ADGRA2: variants seen among roughly 807,000 people sequenced by gnomAD.
ADGRA2 encodes G-protein coupled receptor 124.
In ADGRA2, 61 loss-of-function variants were observed where a neutral mutation model predicts 98.7. That is an observed-to-expected ratio of 0.62 (90% confidence interval 0.50 to 0.76). The LOEUF is 0.76. Among genes scored for constraint, ADGRA2 ranks in the 30% least tolerant of loss-of-function variants. The pLI is 0.00. For missense variants in ADGRA2, 1,712 were observed against 1,860.0 expected (o/e 0.92, Z 1.46); for synonymous variants, 858 against 831.5 (o/e 1.03, Z -0.55).
Position 37,841,832 on chromosome 8 carries a change from G to C in ADGRA2, c.3494G>C (p.Arg1165Pro). The change falls in exon 19 of 19, where the codon CGG (arginine) becomes CCG (proline). Residue 1165 changes from arginine to proline, a missense_variant. Coordinates refer to ENST00000412232, the MANE Select transcript of ADGRA2 (RefSeq NM_032777.10). The surrounding 1 kb of genome is among the most constrained non-coding windows in gnomAD (Gnocchi z 5.0). Reference protein sequence around the residue: ...GEGEPEPAGTRGNLAHRHPNN... With the variant: ...GEGEPEPAGTPGNLAHRHPNN... ...GGAGAGCCGGAGCCGGCGGGCACCC[G>C]GGGAAACCTCGCCCACCGCCACCCC... 2.0e-6 allele frequency: 3 copies of C among 1,530,888 alleles called. No individual in the cohort carries two copies. Among genetic ancestry groups the C allele is most frequent in the Non-Finnish European group, 2.6e-6 (3 of 1,144,474 alleles). 94.8% of individuals were successfully genotyped at this position (1,530,888 alleles called of 1,614,324 possible). A position where few individuals can be genotyped will look rare whatever the true frequency, so the allele number is the denominator to read the frequency against.
intron 1 of ADGRA2, among the ~76,000 whole-genome samples, chr8:37,806,541 T>TTTTTTTTTTTTTTTTC (rs1804673521): frequency 6.9e-6 from 1 of 145,292 alleles, no homozygotes; most frequent in South Asian, 2.2e-4. Context: ...TTTTTTTTTT[T>TTTTTTTTTTTTTTTTC]TGAGACAGAG....
Position 37,841,041 on chromosome 8 carries a change from CAGCCATG to C in ADGRA2, c.2748-44_2748-38del. On this transcript the variant is annotated intron_variant, in intron 18 of 18. Transcript: ENST00000412232. The surrounding 1 kb of genome is among the most constrained non-coding windows in gnomAD (Gnocchi z 5.0). Reference sequence around the variant, plus strand: ...ACCACCCCGGCCCCCAGCCCCACCCCAGCCATGCCCCCTGTCCTCATCACTGCTTCTG... The same window carrying C: ...ACCACCCCGGCCCCCAGCCCCACCCCCCCCCTGTCCTCATCACTGCTTCTG... 1.3e-6 allele frequency: 2 copies of C among 1,546,888 alleles called. No individual in the cohort carries two copies. The highest frequency in any genetic ancestry group is 1.7e-6 in the Non-Finnish European group (2 of 1,143,552).
rs766274136 is a variant in ADGRA2, at chr8:37,830,559, C to T, written c.719-151C>T. ...TCCCCTTTACCCTTACCCCTAGAGA[C>T]TTTCTCTTGACCCCTTTTCCTTCCC... On this transcript the variant is annotated intron_variant, in intron 6 of 18. Transcript: ENST00000412232. This position sits in a 1 kb window ranked among gnomAD's most constrained non-coding sequence, Gnocchi z 4.8. 2 of 622,014 alleles carry T rather than the reference C, an allele frequency of 3.2e-6. No homozygotes were observed. Among genetic ancestry groups the T allele is most frequent in the Non-Finnish European group, 5.7e-6 (2 of 350,700 alleles). The allele number at this position is 622,014 out of a possible 1,614,324, so 38.5% of individuals were successfully genotyped here.
Position 37,829,245 on chromosome 8 carries a change from G to C in ADGRA2, c.411-16G>C, listed in dbSNP as rs199752577. 14 of 1,609,602 alleles carry C rather than the reference G, an allele frequency of 8.7e-6. No individual in the cohort carries two copies. Among genetic ancestry groups the C allele is most frequent in the Non-Finnish European group, 1.2e-5 (14 of 1,176,188 alleles). Reference sequence around the variant, plus strand: ...GCCACGTGGCCAACATGCTGAGGTTGCCTGTGTCTCTCTAGAGATCTCTCC... The same window carrying C: ...GCCACGTGGCCAACATGCTGAGGTTCCCTGTGTCTCTCTAGAGATCTCTCC... On this transcript the variant is annotated splice_polypyrimidine_tract_variant and intron_variant, in intron 3 of 18. Coordinates refer to ENST00000412232, the MANE Select transcript of ADGRA2 (RefSeq NM_032777.10).
chr8:37,837,240 G>A (rs1805643146), intron 13 of ADGRA2, among the ~76,000 whole-genome samples: 1 of 152,240 alleles, frequency 6.6e-6, no homozygotes, highest in Non-Finnish European at 1.5e-5. Context: ...GCAACCGCGT[G>A]GGCTGTGGGA....
chr8:37,809,277 T>C (rs921181478), intron 1 of ADGRA2, among the ~76,000 whole-genome samples: 5 of 147,886 alleles, frequency 3.4e-5, no homozygotes, highest in African/African-American at 1.0e-4. Flanking sequence ...GCCTGGGCAA[T>C]AGAGCGAAAC....
At chr8:37,829,440 C>A in intron 4 of ADGRA2, 48 bp from the exon 5 acceptor site, 1 of 1,555,350 alleles carries the variant, frequency 6.4e-7, no homozygotes, top group Non-Finnish European at 8.9e-7. Context: ...CTCCGCCGGC[C>A]CATGGACACC....
Position 37,814,827 on chromosome 8 carries a change from C to G in ADGRA2, c.267-69C>G, listed in dbSNP as rs985232543. On this transcript the variant is annotated intron_variant, in intron 1 of 18. Transcript: ENST00000412232. This position sits in a 1 kb window ranked among gnomAD's most constrained non-coding sequence, Gnocchi z 4.3. ...TGACAAAGATGCAAGCTGGCCCCAC[C>G]AGTGGTGAAAGCGGATGCCCAGCAC... is the stretch of plus-strand genomic sequence containing the variant. 8.7e-7 allele frequency: 1 copy of G among 1,147,274 alleles called. No individual in the cohort carries two copies. Among genetic ancestry groups the G allele is most frequent in the African/African-American group, 1.5e-5 (1 of 66,052 alleles). The allele number at this position is 1,147,274 out of a possible 1,614,324, so 71.1% of individuals were successfully genotyped here. A position where few individuals can be genotyped will look rare whatever the true frequency, so the allele number is the denominator to read the frequency against.
Position 37,797,470 on chromosome 8 carries a change from T to C in ADGRA2, c.202T>C (p.Cys68Arg). The C allele has an allele frequency of 7.0e-7, 1 of 1,426,686 alleles. No individual in the cohort carries two copies. The highest frequency in any genetic ancestry group is 9.2e-7 in the Non-Finnish European group (1 of 1,089,590). The allele number at this position is 1,426,686 out of a possible 1,614,324, so 88.4% of individuals were successfully genotyped here. A position where few individuals can be genotyped will look rare whatever the true frequency, so the allele number is the denominator to read the frequency against. Reference sequence around the variant, plus strand: ...TGGCCCGGCTCGGCGGAGGGTGGTGTGCAGCGGCGGGGACCTCCCGGAGCC... The same window carrying C: ...TGGCCCGGCTCGGCGGAGGGTGGTGCGCAGCGGCGGGGACCTCCCGGAGCC... ...VPGPARRRVV[C>R]SGGDLPEPPE... Residue 68 changes from cysteine (C) to arginine (R), a missense_variant, in exon 1 of 19, where the codon TGC (cysteine) becomes CGC (arginine). Transcript: ENST00000412232. This position sits in a 1 kb window ranked among gnomAD's most constrained non-coding sequence, Gnocchi z 5.3.
intron 3 of ADGRA2, 32 bp downstream of exon 3, chr8:37,828,991 C>T (rs772613096): frequency 2.7e-6 from 4 of 1,486,856 alleles, no homozygotes; most frequent in East Asian, 4.6e-5. Context: ...GACCCCACCC[C>T]TCCCCTCCCG....
At chr8:37,799,424 GCA>G (rs899087939) in intron 1 of ADGRA2, among the ~76,000 whole-genome samples, 8 of 151,910 alleles carry the variant, frequency 5.3e-5, no homozygotes, top group Middle Eastern at 3.2e-3. Context: ...GTGCATGTGT[GCA>G]CACTCTTGTG....
chr8:37,799,628 G>C (rs1014099367), intron 1 of ADGRA2, among the ~76,000 whole-genome samples: 20 of 152,312 alleles, frequency 1.3e-4, no homozygotes, highest in Non-Finnish European at 2.5e-4. Flanking sequence ...AGCTGGGCCA[G>C]CTCTTGGTAA....
rs769835079 is a variant in ADGRA2, at chr8:37,835,811, G to A, written c.2050+41G>A. On this transcript the variant is annotated intron_variant, in intron 13 of 18. Coordinates refer to ENST00000412232, the MANE Select transcript of ADGRA2 (RefSeq NM_032777.10). ...CCCCGCCCCGCCCAGGGTGCCTCTCGTGTGTCCGCCCTGTTCCCCTTTATC... is the reference window on the plus strand; with the variant it reads ...CCCCGCCCCGCCCAGGGTGCCTCTCATGTGTCCGCCCTGTTCCCCTTTATC... 41 of 1,334,994 alleles carry A rather than the reference G, an allele frequency of 3.1e-5. No individual in the cohort carries two copies. The East Asian group carries it at 3.7e-4, about 12-fold the overall frequency. 82.7% of individuals were successfully genotyped at this position (1,334,994 alleles called of 1,614,324 possible). A position where few individuals can be genotyped will look rare whatever the true frequency, so the allele number is the denominator to read the frequency against.
At chr8:37,800,340 T>C (rs1804464956) in intron 1 of ADGRA2, among the ~76,000 whole-genome samples, 1 of 152,032 alleles carries the variant, frequency 6.6e-6, no homozygotes, top group Non-Finnish European at 1.5e-5. Flanking sequence ...CAAAGGTGGT[T>C]TTATTATGCG....
Position 37,830,627 on chromosome 8 carries a change from C to CCCCAA in ADGRA2, c.719-81_719-80insCAACC. ...GGCCGAGGGCCCCGCCCCGCCCCAC[C>CCCCAA]CCATCCTGCTGGACTCTCGCTCACA... On this transcript the variant is annotated intron_variant, in intron 6 of 18. Coordinates refer to ENST00000412232, the MANE Select transcript of ADGRA2 (RefSeq NM_032777.10). This position sits in a 1 kb window ranked among gnomAD's most constrained non-coding sequence, Gnocchi z 4.8. The CCCCAA allele has an allele frequency of 2.8e-6, 2 of 707,978 alleles. No homozygotes were observed. The highest frequency in any genetic ancestry group is 4.9e-6 in the Non-Finnish European group (2 of 408,954). The allele number at this position is 707,978 out of a possible 1,614,324, so 43.9% of individuals were successfully genotyped here.
At chr8:37,818,093 G>A (rs1390769227) in intron 2 of ADGRA2, among the ~76,000 whole-genome samples, 1 of 152,178 alleles carries the variant, frequency 6.6e-6, no homozygotes, top group African/African-American at 2.4e-5. Flanking sequence ...CTAAGCATTC[G>A]AGAGCTCTGT....
In ADGRA2 at chr8:37,830,188, A is replaced by G. The variant is rs1805413253; in HGVS notation, c.718+174A>G. Among the ~76,000 whole-genome samples, 1 of 152,218 alleles carries G rather than the reference A, an allele frequency of 6.6e-6. No homozygotes were observed. Among genetic ancestry groups the G allele is most frequent in the Non-Finnish European group, 1.5e-5 (1 of 68,042 alleles). ...ATTTAGGGAGACCTTATCTTTATGT[A>G]TAAATCACCATCTGAGAAGTGCTGC... On this transcript the variant is annotated intron_variant, in intron 6 of 18. Coordinates refer to ENST00000412232, the MANE Select transcript of ADGRA2 (RefSeq NM_032777.10). This position sits in a 1 kb window ranked among gnomAD's most constrained non-coding sequence, Gnocchi z 4.8.
In ADGRA2 at chr8:37,830,647, C is replaced by A. The variant is rs1253669565; in HGVS notation, c.719-63C>A. The A allele has an allele frequency of 2.2e-6, 2 of 915,152 alleles. No individual in the cohort carries two copies. The highest frequency in any genetic ancestry group is 2.8e-5 in the East Asian group (1 of 36,276). The allele number at this position is 915,152 out of a possible 1,614,324, so 56.7% of individuals were successfully genotyped here. A position where few individuals can be genotyped will look rare whatever the true frequency, so the allele number is the denominator to read the frequency against. The stretch of plus-strand genomic sequence containing the variant: ...CCCACCCCATCCTGCTGGACTCTCG[C>A]TCACACGTGCAGCCTCACATGCGTG... On this transcript the variant is annotated intron_variant, in intron 6 of 18. Coordinates refer to ENST00000412232, the MANE Select transcript of ADGRA2 (RefSeq NM_032777.10). This position sits in a 1 kb window ranked among gnomAD's most constrained non-coding sequence, Gnocchi z 4.8.
chr8:37,811,169 T>TGTGTG (rs200302826), intron 1 of ADGRA2, among the ~76,000 whole-genome samples: 4 of 65,604 alleles, frequency 6.1e-5, no homozygotes, highest in South Asian at 5.2e-4. Context: ...TGTGTGTGTG[T>TGTGTG]TTTTTTTTTT....
Sources: gnomAD v4.1 joint callset for allele counts (sites outside exome capture counted in the v4.1 genomes callset) on GRCh38, gnomAD v4.1.1 for gene constraint, Gnocchi (gnomAD v3.1) non-coding constraint, MANE v1.5 for transcripts, NCBI Gene and HGNC (gene_info 2026-07-23, HGNC 2026-07-21) for gene names.